TENM3: variants seen among roughly 807,000 people sequenced by gnomAD.
TENM3 encodes the protein teneurin-3.
A neutral mutation model predicts 255.1 loss-of-function variants in TENM3; 63 were observed. The observed-to-expected ratio is 0.25, with a 90% CI of 0.20 to 0.30. The LOEUF is 0.30. TENM3 is among the 10% of genes least tolerant of loss of function. The probability of loss-of-function intolerance (pLI) is 1.00; values close to 1 mark genes in which losing one functional copy is unlikely to be tolerated. For missense variants in TENM3, 2,929 were observed against 3,461.1 expected (o/e 0.85, Z 3.86); for synonymous variants, 1,306 against 1,322.3 (o/e 0.99, Z 0.27).
chr4:181,791,289 C>G, the TENM3 span, among the ~76,000 whole-genome samples: 1 of 152,112 alleles, frequency 6.6e-6, no homozygotes, highest in African/African-American at 2.4e-5. Flanking sequence ...CATTTTATGA[C>G]TTCTTTAAAT....
At chr4:182,257,729 G>C (rs149929627) in intron 1 of TENM3, among the ~76,000 whole-genome samples, 1 of 152,016 alleles carries the variant, frequency 6.6e-6, no homozygotes, top group East Asian at 1.9e-4. Context: ...CTTTGAGATG[G>C]GTATTACCAC....
chr4:181,772,751 T>C, the TENM3 span, among the ~76,000 whole-genome samples: 3 of 152,206 alleles, frequency 2.0e-5, no homozygotes, highest in East Asian at 5.8e-4. Flanking sequence ...CATCATCAGC[T>C]GGTATACTAC....
chr4:182,295,551 G>A (rs1162161910), intron 1 of TENM3, among the ~76,000 whole-genome samples: 1 of 151,908 alleles, frequency 6.6e-6, no homozygotes, highest in African/African-American at 2.4e-5. Context: ...TTACAGGTGT[G>A]AGCCACTGTG....
At chr4:182,013,936 G>T in the TENM3 span, among the ~76,000 whole-genome samples, 20 of 133,128 alleles carry the variant, frequency 1.5e-4, no homozygotes, top group Admixed American at 1.6e-3. Context: ...ATATATCTGT[G>T]TGTGTATATA....
intron 1 of TENM3, among the ~76,000 whole-genome samples, chr4:182,284,767 G>T (rs768211417): frequency 2.6e-5 from 4 of 152,194 alleles, no homozygotes; most frequent in Non-Finnish European, 5.9e-5. Flanking sequence ...ATGAGATTGT[G>T]AATTATTCAG....
intron 3 of TENM3, among the ~76,000 whole-genome samples, chr4:182,588,167 G>A (rs1746231450): frequency 6.6e-6 from 1 of 152,120 alleles, no homozygotes; most frequent in Non-Finnish European, 1.5e-5. Flanking sequence ...AAAAACTTCA[G>A]ACTTCATTGC....
the TENM3 span, among the ~76,000 whole-genome samples, chr4:181,871,648 A>T: frequency 2.0e-5 from 3 of 152,102 alleles, no homozygotes; most frequent in Non-Finnish European, 2.9e-5. Flanking sequence ...ATCTCAGGAA[A>T]GGAAAAAATA....
the TENM3 span, among the ~76,000 whole-genome samples, chr4:181,623,340 G>T: frequency 3.3e-4 from 50 of 152,330 alleles, no homozygotes; most frequent in Admixed American, 3.0e-3. Flanking sequence ...TAAGCAGTGT[G>T]CTATACCCTG....
intron 2 of TENM3, 149 bp from the exon 3 acceptor site, chr4:182,346,502 C>G (rs1443163124): frequency 1.3e-6 from 1 of 777,756 alleles, no homozygotes. Context: ...TGCCGTGTGA[C>G]GCTACTGTAA....
chr4:181,825,356 A>T, the TENM3 span, among the ~76,000 whole-genome samples: 1 of 140,988 alleles, frequency 7.1e-6, no homozygotes, highest in African/African-American at 2.7e-5. Flanking sequence ...AGCCGAGATC[A>T]CACCATTGCA....
intron 3 of TENM3, among the ~76,000 whole-genome samples, chr4:182,432,849 G>GGTGTGTGT (rs70956512): frequency 7.0e-6 from 1 of 142,976 alleles, no homozygotes; most frequent in East Asian, 2.1e-4. Context: ...AATGGATTTG[G>GGTGTGTGT]GTGTGTGTGT....
the TENM3 span, among the ~76,000 whole-genome samples, chr4:181,653,655 T>G: frequency 2.0e-5 from 3 of 150,818 alleles, no homozygotes; most frequent in Admixed American, 2.0e-4. Context: ...CGCCTTGGCC[T>G]CCCAAAGTGT....
intron 22 of TENM3, among the ~76,000 whole-genome samples, chr4:182,760,048 T>G (rs1226829645): frequency 6.6e-6 from 1 of 152,198 alleles, no homozygotes; most frequent in Admixed American, 6.5e-5. Flanking sequence ...AATTATTCAT[T>G]ACGGACTGAG....
intron 19 of TENM3, among the ~76,000 whole-genome samples, chr4:182,745,817 G>GAAA (rs10655790): frequency 0.65 from 97,651 of 149,594 alleles, 33,096 homozygotes; most frequent in East Asian, 0.89. Context: ...TCTCCCTCTG[G>GAAA]AAAAAAAAAA....
At chr4:182,585,248 C>A (rs1171155051) in intron 3 of TENM3, among the ~76,000 whole-genome samples, 1 of 152,126 alleles carries the variant, frequency 6.6e-6, no homozygotes, top group African/African-American at 2.4e-5. Context: ...GGAGTATTTA[C>A]AATAGGAAAT....
chr4:182,417,062 C>T (rs1339479007), intron 3 of TENM3, among the ~76,000 whole-genome samples: 3 of 152,250 alleles, frequency 2.0e-5, no homozygotes, highest in Middle Eastern at 6.8e-3. Flanking sequence ...CAAGCTCCGC[C>T]TCCCGGGTTC....
the TENM3 span, among the ~76,000 whole-genome samples, chr4:181,837,888 C>T: frequency 6.6e-6 from 1 of 152,028 alleles, no homozygotes; most frequent in Non-Finnish European, 1.5e-5. Flanking sequence ...GCCTATAATC[C>T]CAGGATTTTG....
chr4:181,855,000 G>C, the TENM3 span, among the ~76,000 whole-genome samples: 1 of 152,080 alleles, frequency 6.6e-6, no homozygotes, highest in Non-Finnish European at 1.5e-5. Flanking sequence ...ATAATTGGTT[G>C]GGTATATACT....
the TENM3 span, among the ~76,000 whole-genome samples, chr4:182,076,881 A>C: frequency 6.6e-6 from 1 of 152,200 alleles, no homozygotes; most frequent in African/African-American, 2.4e-5. Context: ...AGGTGACCGC[A>C]TCTGGCCTGG....
Sources: gnomAD v4.1 joint callset for allele counts (sites outside exome capture counted in the v4.1 genomes callset) on GRCh38, gnomAD v4.1.1 for gene constraint, MANE v1.5 for transcripts, NCBI Gene and HGNC (gene_info 2026-07-23, HGNC 2026-07-21) for gene names.